Variants in IQCB1 observed in about 807,000 individuals in gnomAD.
IQCB1 encodes IQ calmodulin-binding motif-containing protein 1.
In IQCB1, 56 loss-of-function variants were observed where a neutral mutation model predicts 84.4. The ratio of observed to expected loss-of-function variants is 0.66; its 90% CI spans 0.54 to 0.83. The LOEUF (loss-of-function observed/expected upper bound fraction) is 0.83. Ranked by LOEUF, IQCB1 falls within the 40% of genes least tolerant of loss-of-function variation. The pLI is 0.00. For missense variants in IQCB1, 629 were observed against 682.1 expected (o/e 0.92, Z 0.87); for synonymous variants, 210 against 234.8 (o/e 0.89, Z 0.96).
chr3:121,835,041 G>A lies in IQCB1; in HGVS notation c.-177C>T, dbSNP rs1708208898. The A allele has an allele frequency of 5.2e-6, 3 of 573,402 alleles. No homozygotes were observed. Among genetic ancestry groups the A allele is most frequent in the Non-Finnish European group, 9.4e-6 (3 of 319,624 alleles). The allele number at this position is 573,402 out of a possible 1,614,324, so 35.5% of individuals were successfully genotyped here. ...GCACTACAGCGCCGCGGCCTTCCGG[G>A]GCAGCGTGCGTCGCGACGCGGGAAG... On this transcript the variant is annotated 5_prime_UTR_variant, in exon 1 of 15. Transcript: ENST00000310864.
chr3:121,826,187 T>G lies in IQCB1; in HGVS notation c.264-7A>C. The G allele has an allele frequency of 2.5e-6, 4 of 1,613,670 alleles. No homozygotes were observed. The highest frequency in any genetic ancestry group is 3.4e-6 in the Non-Finnish European group (4 of 1,179,680). On this transcript the variant is annotated splice_polypyrimidine_tract_variant and splice_region_variant and intron_variant, in intron 4 of 14. Coordinates refer to ENST00000310864, the MANE Select transcript of IQCB1 (RefSeq NM_001023570.4). Reference sequence around the variant, plus strand: ...CAAGCCCACACAGCAATGGCTGAAATAAGAGCACAAGTTCGTGTTAATTAG... The same window carrying G: ...CAAGCCCACACAGCAATGGCTGAAAGAAGAGCACAAGTTCGTGTTAATTAG...
intron 14 of IQCB1, 40 bp downstream of exon 14, chr3:121,772,517 G>A: frequency 6.2e-7 from 1 of 1,609,036 alleles, no homozygotes; most frequent in East Asian, 2.2e-5. Context: ...CCTCGCATAG[G>A]TTGTTCCTTT....
At chr3:121,817,837 A>T (rs906495402) in intron 5 of IQCB1, among the ~76,000 whole-genome samples, 2 of 151,694 alleles carry the variant, frequency 1.3e-5, no homozygotes, top group African/African-American at 4.8e-5. Context: ...CCCTTATAAG[A>T]AAGAAAGAAA....
chr3:121,771,687 C>T (rs773369650), intron 14 of IQCB1, among the ~76,000 whole-genome samples: 2 of 152,122 alleles, frequency 1.3e-5, no homozygotes, highest in African/African-American at 2.4e-5. Context: ...ATGAGAGGCT[C>T]AGTTTCAGCC....
At position 121,829,670 on chromosome 3, in the gene IQCB1, G is replaced by A. The variant is rs141174071; in HGVS notation, c.-12-698C>T. Among the ~76,000 whole-genome samples the A allele has an allele frequency of 2.4e-3, 362 of 152,278 alleles. 6 individuals carry two copies. Among genetic ancestry groups the A allele is most frequent in the East Asian group, 1.9e-3 (10 of 5,180 alleles). ...ATGTTGTCATAGCTGGTTGCTGGAG[G>A]AATTAAGCATATCCTACGTAACTCC... On this transcript the variant is annotated intron_variant, in intron 2 of 14. Transcript: ENST00000310864.
chr3:121,770,686 G>T, intron 14 of IQCB1, 112 bp from the exon 15 acceptor site: 1 of 835,122 alleles, frequency 1.2e-6, no homozygotes, highest in Non-Finnish European at 2.1e-6. Context: ...TTCCAACTCT[G>T]AATGTACTAC....
At chr3:121,782,864 A>C (rs1948562353) in intron 12 of IQCB1, among the ~76,000 whole-genome samples, 1 of 152,118 alleles carries the variant, frequency 6.6e-6, no homozygotes, top group Non-Finnish European at 1.5e-5. Context: ...ATTTTTTAGT[A>C]GAGATGGGAT....
intron 5 of IQCB1, among the ~76,000 whole-genome samples, chr3:121,824,700 TCA>T (rs1416480283): frequency 6.6e-6 from 1 of 151,326 alleles, no homozygotes; most frequent in Non-Finnish European, 1.5e-5. Context: ...ATGTATCTAA[TCA>T]CAGAGCTTTG....
intron 12 of IQCB1, among the ~76,000 whole-genome samples, chr3:121,787,625 C>T (rs548454370): frequency 4.8e-4 from 73 of 152,132 alleles, no homozygotes; most frequent in African/African-American, 1.6e-3. Flanking sequence ...GTGGTGCATG[C>T]CTGTAGTCCC....
chr3:121,832,808 G>A (rs1950694770), intron 2 of IQCB1, among the ~76,000 whole-genome samples: 1 of 152,040 alleles, frequency 6.6e-6, no homozygotes, highest in Non-Finnish European at 1.5e-5. Flanking sequence ...TGTGAATGGT[G>A]TCATATAAGA....
In IQCB1 at chr3:121,788,498, G is replaced by A; in HGVS notation, c.1130-66C>T. The A allele has an allele frequency of 2.9e-6, 4 of 1,367,920 alleles. No homozygotes were observed. In the Admixed American group the frequency reaches 5.1e-5, roughly 17 times the overall value. The allele number at this position is 1,367,920 out of a possible 1,614,324, so 84.7% of individuals were successfully genotyped here. On this transcript the variant is annotated intron_variant, in intron 11 of 14. Transcript: ENST00000310864. ...ATGCTTTCTTAAGTTCTGGAATCAG[G>A]ACAATGATAATAATAATCTTGCATT...
chr3:121,800,752 C>T (rs1209605609), intron 7 of IQCB1, among the ~76,000 whole-genome samples: 1 of 151,896 alleles, frequency 6.6e-6, no homozygotes, highest in African/African-American at 2.4e-5. Flanking sequence ...CTTCAACCTC[C>T]TAATCTTAAA....
Position 121,804,498 on chromosome 3 carries a change from A to G in IQCB1, c.587+2846T>C, listed in dbSNP as rs567968305. Among the ~76,000 whole-genome samples, 3 of 152,210 alleles carry G rather than the reference A, an allele frequency of 2.0e-5. No individual in the cohort carries two copies. The East Asian group carries it at 5.8e-4, about 29-fold the overall frequency. On this transcript the variant is annotated intron_variant, in intron 7 of 14. Coordinates refer to ENST00000310864, the MANE Select transcript of IQCB1 (RefSeq NM_001023570.4). ...TTTGCTTTTGAATATATTTCTGCTG[A>G]GCATGTAATTCTAATTTGACAGTTT... is the stretch of plus-strand genomic sequence containing the variant.
intron 7 of IQCB1, among the ~76,000 whole-genome samples, chr3:121,805,620 G>A (rs1949574579): frequency 1.3e-5 from 2 of 152,160 alleles, no homozygotes; most frequent in African/African-American, 2.4e-5. Context: ...CACTACTGGA[G>A]TAAAACCTTC....
intron 5 of IQCB1, among the ~76,000 whole-genome samples, chr3:121,812,351 C>A (rs1004263049): frequency 3.9e-5 from 6 of 152,132 alleles, no homozygotes; most frequent in African/African-American, 1.4e-4. Flanking sequence ...TTCCAAAAAC[C>A]AGAACGCCTC....
intron 5 of IQCB1, among the ~76,000 whole-genome samples, chr3:121,825,181 C>T (rs546453397): frequency 6.6e-6 from 1 of 151,914 alleles, no homozygotes; most frequent in African/African-American, 2.4e-5. Flanking sequence ...CTGCCTCAGC[C>T]TCCCAAGTAG....
intron 5 of IQCB1, among the ~76,000 whole-genome samples, chr3:121,815,230 T>G (rs2108611323): frequency 6.6e-6 from 1 of 152,302 alleles, no homozygotes; most frequent in South Asian, 2.1e-4. Flanking sequence ...CTAAAAACTC[T>G]CAATGAACTA....
At chr3:121,778,899 CAAAA>C (rs35667822) in intron 13 of IQCB1, among the ~76,000 whole-genome samples, 6 of 115,270 alleles carry the variant, frequency 5.2e-5, no homozygotes, top group Middle Eastern at 4.7e-3. Flanking sequence ...AACTCTGTCT[CAAAA>C]AAAAAAAAAA....
In IQCB1 at chr3:121,799,189, G is replaced by A. The variant is rs1462035299; in HGVS notation, c.766+7C>T. 4 of 1,595,150 alleles carry A rather than the reference G, an allele frequency of 2.5e-6. No homozygotes were observed. Among genetic ancestry groups the A allele is most frequent in the Admixed American group, 1.7e-5 (1 of 59,590 alleles). On this transcript the variant is annotated splice_region_variant and intron_variant, in intron 8 of 14. Transcript: ENST00000310864. ...AATCCCAAGAAAAGAAAGAATGAAT[G>A]TACTACCTTTGTAGCAGGTACTTTG...
Sources: allele counts gnomAD v4.1 joint callset (sites outside exome capture counted in the v4.1 genomes callset), GRCh38; gene constraint gnomAD v4.1.1; transcripts MANE v1.5; gene names NCBI Gene and HGNC (gene_info 2026-07-23, HGNC 2026-07-21).